Variants in TENM1 observed in about 807,000 individuals in gnomAD.
The protein encoded by TENM1 is teneurin-1.
TENM1 carries 35 observed loss-of-function variants against 174.8 expected under a neutral mutation model. The ratio of observed to expected loss-of-function variants is 0.20; its 90% CI spans 0.15 to 0.27. The LOEUF is 0.27. Among genes scored for constraint, TENM1 ranks in the 10% least tolerant of loss-of-function variants. The pLI, the probability that TENM1 is intolerant of heterozygous loss-of-function variation, is 1.00. For synonymous variants in TENM1, 781 were observed against 798.7 expected, an observed-to-expected ratio of 0.98 and a Z score of 0.37; for missense variants, 1,633 against 2,130.1, an observed-to-expected ratio of 0.77 and a Z score of 4.59.
At chrX:124,837,725 C>T (rs763610504) in intron 3 of TENM1, among the ~76,000 whole-genome samples, 16 of 111,103 alleles carry the variant, frequency 1.4e-4, no homozygotes, top group Non-Finnish European at 2.1e-4. Context: ...AAAGGAATTA[C>T]TGAAACTCAC....
the TENM1 span, among the ~76,000 whole-genome samples, chrX:125,185,384 T>C: frequency 7.0e-4 from 79 of 112,356 alleles, 1 homozygote; most frequent in African/African-American, 2.3e-3. Context: ...TAGCTGTATG[T>C]GGAAAAGGTC....
chrX:124,673,863 G>C (rs1347070826), intron 5 of TENM1, among the ~76,000 whole-genome samples: 4 of 111,654 alleles, frequency 3.6e-5, no homozygotes, highest in Non-Finnish European at 7.5e-5. Context: ...TTAAGGTTTT[G>C]AGTCTAACTG....
At chrX:125,139,857 CGGAGAG>C in the TENM1 span, among the ~76,000 whole-genome samples, 9,823 of 71,637 alleles carry the variant, frequency 0.14, 670 homozygotes, top group Middle Eastern at 0.22. Flanking sequence ...CACACACACA[CGGAGAG>C]AGAGAGAGAG....
intron 3 of TENM1, among the ~76,000 whole-genome samples, chrX:124,876,462 G>T (rs765314495): frequency 1.8e-5 from 2 of 111,107 alleles, no homozygotes; most frequent in South Asian, 7.5e-4. Context: ...TAAGAATTTT[G>T]CTTCGGTATT....
At chrX:124,439,553 C>A (rs1235474075) in intron 23 of TENM1, among the ~76,000 whole-genome samples, 1 of 111,585 alleles carries the variant, frequency 9.0e-6, no homozygotes, top group Non-Finnish European at 1.9e-5. Flanking sequence ...AAGGTCACAG[C>A]AGGTTAAGAC....
chrX:124,760,782 T>C (rs1443989655), intron 3 of TENM1, among the ~76,000 whole-genome samples: 1 of 106,577 alleles, frequency 9.4e-6, no homozygotes, highest in Non-Finnish European at 2.0e-5. Context: ...GAGAAAATTT[T>C]TGCAATCTAC....
intron 22 of TENM1, among the ~76,000 whole-genome samples, chrX:124,474,665 C>T (rs1013952476): frequency 5.3e-5 from 6 of 112,271 alleles, no homozygotes; most frequent in African/African-American, 1.9e-4. Flanking sequence ...TCATCAACAG[C>T]TTATGGCTTT....
rs1290629679 is a variant in TENM1, at chrX:124,494,713, C to T, written c.3695+2303G>A. 3.8e-5 allele frequency among the ~76,000 whole-genome samples: 4 copies of T among 104,773 alleles called. No individual in the cohort carries two copies. In the East Asian group the frequency reaches 1.2e-3, roughly 32 times the overall value. The allele number at this position is 104,773 out of a possible 115,157, so 91.0% of individuals were successfully genotyped here. A position where few individuals can be genotyped will look rare whatever the true frequency, so the allele number is the denominator to read the frequency against. ...GAGTGTGATATTCCCCTTCCTGTGT[C>T]CATGTGATCTCATTGTTCAATTCCC... On this transcript the variant is annotated intron_variant, in intron 20 of 31. Coordinates refer to ENST00000422452, the Ensembl canonical transcript of TENM1.
Position 124,813,066 on chromosome X carries a change from A to G in TENM1, c.536-75869T>C, listed in dbSNP as rs777402908. On this transcript the variant is annotated intron_variant, in intron 3 of 31. Transcript: ENST00000422452. ...TTGTAAATCAAATCCCAAATAAATG[A>G]CTACTACTTTACTTAATATATAAAT... Among the ~76,000 whole-genome samples the G allele has an allele frequency of 3.6e-5, 4 of 111,367 alleles. No homozygotes were observed. The East Asian group carries it at 1.1e-3, about 31-fold the overall frequency.
intron 23 of TENM1, among the ~76,000 whole-genome samples, chrX:124,437,580 G>A (rs184444361): frequency 4.5e-5 from 5 of 111,555 alleles, no homozygotes; most frequent in Non-Finnish European, 9.4e-5. Context: ...CATGTTATTC[G>A]GAGACACAAT....
At chrX:125,145,931 G>A in the TENM1 span, among the ~76,000 whole-genome samples, 1 of 111,894 alleles carries the variant, frequency 8.9e-6, no homozygotes, top group African/African-American at 3.3e-5. Context: ...TATACCCAGA[G>A]ACCTTTTAAT....
intron 11 of TENM1, among the ~76,000 whole-genome samples, chrX:124,585,787 T>C (rs188116414): frequency 0.015 from 1,702 of 111,569 alleles, 14 homozygotes; most frequent in Middle Eastern, 0.032. Context: ...GATAGACCGC[T>C]AGCCAGACTA....
chrX:125,184,567 C>T, the TENM1 span, among the ~76,000 whole-genome samples: 5 of 111,210 alleles, frequency 4.5e-5, no homozygotes, highest in African/African-American at 1.6e-4. Context: ...GACTAATATC[C>T]AATAATTGGA....
intron 5 of TENM1, among the ~76,000 whole-genome samples, chrX:124,696,206 CACTGGTATAAGA>C (rs1198669301): frequency 9.0e-6 from 1 of 111,659 alleles, no homozygotes; most frequent in Non-Finnish European, 1.9e-5. Context: ...TACATTTTCC[CACTGGTATAAGA>C]ACTTTCACCT....
intron 6 of TENM1, among the ~76,000 whole-genome samples, chrX:124,664,679 GGTGTGTGTGTGTGTGTGT>G (rs576286188): frequency 5.7e-5 from 5 of 86,967 alleles, no homozygotes; most frequent in African/African-American, 1.3e-4. Flanking sequence ...GTACTTGTGG[GGTGTGTGTGTGTGTGTGT>G]GTGTGTGTGT....
At chrX:124,994,629 T>C in the TENM1 span, among the ~76,000 whole-genome samples, 3 of 110,771 alleles carry the variant, frequency 2.7e-5, no homozygotes, top group Non-Finnish European at 3.8e-5. Context: ...CTGAAATCTA[T>C]GAGTTATCCT....
At chrX:124,691,108 T>A (rs377546042) in intron 5 of TENM1, among the ~76,000 whole-genome samples, 2 of 111,442 alleles carry the variant, frequency 1.8e-5, no homozygotes, top group East Asian at 5.7e-4. Context: ...TCAATATATT[T>A]ACCTGTTTGC....
chrX:125,082,466 C>G, the TENM1 span, among the ~76,000 whole-genome samples: 7 of 111,184 alleles, frequency 6.3e-5, no homozygotes, highest in African/African-American at 2.3e-4. Flanking sequence ...CTGCCTCCCT[C>G]CTATTGCTAA....
intron 27 of TENM1, among the ~76,000 whole-genome samples, chrX:124,397,952 G>A (rs1268115803): frequency 1.8e-5 from 2 of 108,781 alleles, no homozygotes; most frequent in African/African-American, 6.7e-5. Flanking sequence ...GTTGGGGCTG[G>A]GCGCGGTGGC....
Sources: allele counts gnomAD v4.1 joint callset (sites outside exome capture counted in the v4.1 genomes callset), GRCh38; gene constraint gnomAD v4.1.1; transcripts MANE v1.5; gene names NCBI Gene and HGNC (gene_info 2026-07-23, HGNC 2026-07-21).